Variants in TTK observed in about 807,000 individuals in gnomAD.
The protein encoded by TTK is dual specificity protein kinase TTK.
A neutral mutation model predicts 117.3 loss-of-function variants in TTK; 59 were observed. The observed-to-expected ratio is 0.50, with a 90% confidence interval of 0.41 to 0.62. TTK has a LOEUF of 0.62. Ranked by LOEUF, TTK falls within the 20% of genes least tolerant of loss-of-function variation. The probability of loss-of-function intolerance (pLI) is 0.00; values close to 1 mark genes in which losing one functional copy is unlikely to be tolerated. For synonymous variants in TTK, 302 were observed against 325.0 expected, an observed-to-expected ratio of 0.93 and a Z score of 0.76; for missense variants, 921 against 989.4, an observed-to-expected ratio of 0.93 and a Z score of 0.93.
chr6:80,016,004 T>G (rs936768552), intron 10 of TTK, among the ~76,000 whole-genome samples: 1 of 152,210 alleles, frequency 6.6e-6, no homozygotes, highest in Admixed American at 6.5e-5. Flanking sequence ...TAATACAGTG[T>G]GTATTCTTGT....
intron 14 of TTK, among the ~76,000 whole-genome samples, 171 bp from the exon 15 acceptor site, chr6:80,034,814 A>G (rs1024389601): frequency 9.2e-5 from 14 of 152,252 alleles, no homozygotes; most frequent in Admixed American, 2.6e-4. Context: ...TTACTCTGCT[A>G]TCAGAATTAT....
At position 80,042,224 on chromosome 6, in the gene TTK, A is replaced by G. The variant is rs1259930586; in HGVS notation, c.*22A>G. 1 of 1,537,896 alleles carries G rather than the reference A, an allele frequency of 6.5e-7. No individual in the cohort carries two copies. The highest frequency in any genetic ancestry group is 1.4e-5 in the African/African-American group (1 of 73,004). On this transcript the variant is annotated 3_prime_UTR_variant, in exon 22 of 22. Transcript: ENST00000369798. ...ATGATTTGCAGTTATTCGTAATGTCAGATACCACCTATAAAATATATTGGA... is the reference window on the plus strand; with the variant it reads ...ATGATTTGCAGTTATTCGTAATGTCGGATACCACCTATAAAATATATTGGA...
At chr6:80,033,722 G>C (rs1715579855) in intron 14 of TTK, among the ~76,000 whole-genome samples, 1 of 151,960 alleles carries the variant, frequency 6.6e-6, no homozygotes, top group Non-Finnish European at 1.5e-5. Context: ...ATTGCATAAG[G>C]CTGTCTTATT....
chr6:80,019,646 CTAAG>C (rs1356387579), intron 10 of TTK, among the ~76,000 whole-genome samples: 2 of 151,996 alleles, frequency 1.3e-5, no homozygotes, highest in Non-Finnish European at 2.9e-5. Flanking sequence ...GGTAAACAAC[CTAAG>C]TAAGAATCTT....
chr6:80,005,721 G>T lies in TTK; in HGVS notation c.-2-121G>T, dbSNP rs1766973518. The T allele has an allele frequency of 9.6e-6, 10 of 1,044,252 alleles. 1 individual carries two copies. In the South Asian group the frequency reaches 1.5e-4, roughly 15 times the overall value. 64.7% of individuals were successfully genotyped at this position (1,044,252 alleles called of 1,614,324 possible). On this transcript the variant is annotated intron_variant, in intron 1 of 21. Transcript: ENST00000369798. The stretch of plus-strand genomic sequence containing the variant: ...CTCCATTAATACTAGCCTAATAATA[G>T]CTGCATTTAGATGTGTTCACAAAAC...
chr6:80,038,255 G>T (rs929010872), intron 18 of TTK, among the ~76,000 whole-genome samples: 1 of 152,136 alleles, frequency 6.6e-6, no homozygotes, highest in African/African-American at 2.4e-5. Context: ...TACAGCTGGA[G>T]AATGTAATTG....
rs111378654 is a variant in TTK, at chr6:80,005,147, G to T, written c.-3+434G>T. ...TTTTTCATTGTTAAACCTGAAGACG[G>T]GGCAGCATTGTTATCAGTGACACTG... On this transcript the variant is annotated intron_variant, in intron 1 of 21. Coordinates refer to ENST00000369798, the MANE Select transcript of TTK (RefSeq NM_003318.5). Among the ~76,000 whole-genome samples, 382 of 152,198 alleles carry T rather than the reference G, an allele frequency of 2.5e-3. 3 individuals carry two copies. The highest frequency in any genetic ancestry group is 8.1e-3 in the African/African-American group (336 of 41,516).
intron 12 of TTK, among the ~76,000 whole-genome samples, chr6:80,027,177 G>A (rs985584014): frequency 4.6e-5 from 7 of 152,136 alleles, no homozygotes; most frequent in East Asian, 3.9e-4. Context: ...TGTCTTTTGC[G>A]TTTCATTTTC....
At chr6:80,005,293 G>A (rs765113330) in intron 1 of TTK, among the ~76,000 whole-genome samples, 1 of 152,162 alleles carries the variant, frequency 6.6e-6, no homozygotes, top group Non-Finnish European at 1.5e-5. Context: ...GTTTCTTAGT[G>A]TTAGATTAAG....
chr6:80,041,631 G>C (rs1394554022), intron 21 of TTK, among the ~76,000 whole-genome samples: 2 of 151,324 alleles, frequency 1.3e-5, no homozygotes, highest in Non-Finnish European at 3.0e-5. Flanking sequence ...AAAGATGTCT[G>C]CCATCTTCAT....
rs779744771 is a variant in TTK at position 80,011,446 on chromosome 6, T to G, written c.626T>G (p.Leu209Ter). 1.9e-6 allele frequency: 3 copies of G among 1,596,476 alleles called. No homozygotes were observed. The Admixed American group carries it at 5.5e-5, about 29-fold the overall frequency. ...AAAATTTTTACAGCATCTACGGTAT[T>G]AACTGCCCAAGAATCATTTTCCGGT... ...EKKNLSASTV[L>*]TAQESFSGSL... The change falls in exon 6 of 22, where the codon TTA becomes TGA. Residue 209 changes from leucine (L) to a stop codon, truncating the protein, a stop_gained. Transcript: ENST00000369798. LOFTEE classifies it high-confidence loss of function.
Position 80,031,452 on chromosome 6 carries a change from A to G in TTK, c.1522-15A>G. The G allele has an allele frequency of 6.9e-7, 1 of 1,448,706 alleles. No individual in the cohort carries two copies. The highest frequency in any genetic ancestry group is 9.1e-7 in the Non-Finnish European group (1 of 1,094,070). 89.7% of individuals were successfully genotyped at this position (1,448,706 alleles called of 1,614,324 possible). A position where few individuals can be genotyped will look rare whatever the true frequency, so the allele number is the denominator to read the frequency against. On this transcript the variant is annotated splice_polypyrimidine_tract_variant and intron_variant, in intron 13 of 21. Transcript: ENST00000369798. ...TATATTGATTAACTTTTATTTATAT[A>G]TTTTACTTATTTAGGTTTTAGCATC...
chr6:80,016,608 G>A (rs1257792269), intron 10 of TTK, among the ~76,000 whole-genome samples: 4 of 151,944 alleles, frequency 2.6e-5, no homozygotes, highest in African/African-American at 7.3e-5. Context: ...GTATTTATAT[G>A]ATCTAGATAT....
At chr6:80,006,057 CT>C (rs1253899638) in intron 2 of TTK, 75 bp downstream of exon 2, 2 of 1,519,872 alleles carry the variant, frequency 1.3e-6, no homozygotes, top group Admixed American at 3.8e-5. Flanking sequence ...GTACTAATCA[CT>C]TTATTTATAA....
chr6:80,014,805 GA>G (rs1477906548), intron 10 of TTK, among the ~76,000 whole-genome samples: 1 of 152,108 alleles, frequency 6.6e-6, no homozygotes, highest in Non-Finnish European at 1.5e-5. Context: ...AGAGTGGAGG[GA>G]AAATGCAATG....
intron 13 of TTK, among the ~76,000 whole-genome samples, chr6:80,029,572 G>A (rs1375822973): frequency 1.3e-5 from 2 of 152,230 alleles, no homozygotes; most frequent in East Asian, 1.9e-4. Flanking sequence ...AAGGGGCTTG[G>A]TGGAGCCTTC....
In TTK at chr6:80,042,269, C is replaced by G; in HGVS notation, c.*67C>G. 1 of 1,243,918 alleles carries G rather than the reference C, an allele frequency of 8.0e-7. No homozygotes were observed. The highest frequency in any genetic ancestry group is 2.2e-5 in the Admixed American group (1 of 45,542). 77.1% of individuals were successfully genotyped at this position (1,243,918 alleles called of 1,614,324 possible). On this transcript the variant is annotated 3_prime_UTR_variant, in exon 22 of 22. Transcript: ENST00000369798. Reference sequence around the variant, plus strand: ...ATTGGACTGTTATACTCTTGAATCCCTGTGGAAATCTACATTTGAAGACAA... The same window carrying G: ...ATTGGACTGTTATACTCTTGAATCCGTGTGGAAATCTACATTTGAAGACAA...
intron 8 of TTK, among the ~76,000 whole-genome samples, 156 bp from the exon 9 acceptor site, chr6:80,013,123 A>T (rs1181641444): frequency 6.6e-6 from 1 of 152,036 alleles, no homozygotes; most frequent in African/African-American, 2.4e-5. Context: ...TCACTTTTGT[A>T]TTGGAATTAT....
At chr6:80,011,232 C>T (rs912193593) in intron 5 of TTK, among the ~76,000 whole-genome samples, 2 of 151,308 alleles carry the variant, frequency 1.3e-5, no homozygotes, top group Non-Finnish European at 3.0e-5. Context: ...TGCTTTTACC[C>T]TGGGGAAATA....
Sources: allele counts gnomAD v4.1 joint callset (sites outside exome capture counted in the v4.1 genomes callset), GRCh38; gene constraint gnomAD v4.1.1; transcripts MANE v1.5; gene names NCBI Gene and HGNC (gene_info 2026-07-23, HGNC 2026-07-21).